CBFA2T2: variants seen among roughly 807,000 people sequenced by gnomAD.
CBFA2T2 encodes protein CBFA2T2.
A neutral mutation model predicts 62.2 loss-of-function variants in CBFA2T2; 11 were observed. The observed-to-expected ratio is 0.18, with a 90% CI of 0.11 to 0.29. The LOEUF is 0.29. Among genes scored for constraint, CBFA2T2 ranks in the 10% least tolerant of loss-of-function variants. The probability of loss-of-function intolerance (pLI) is 1.00; values close to 1 mark genes in which losing one functional copy is unlikely to be tolerated. For synonymous variants in CBFA2T2, 295 were observed against 287.5 expected (o/e 1.03, Z -0.27); for missense variants, 592 against 774.1 (o/e 0.76, Z 2.79).
intron 1 of CBFA2T2, among the ~76,000 whole-genome samples, chr20:33,605,076 G>A (rs1327124050): frequency 6.6e-6 from 1 of 152,140 alleles, no homozygotes; most frequent in Non-Finnish European, 1.5e-5. Context: ...TGTAACTTGG[G>A]GGCATTGCTT....
chr20:33,574,176 G>A, intron 1 of CBFA2T2: 2 of 1,609,346 alleles, frequency 1.2e-6, no homozygotes, highest in African/African-American at 1.3e-5. Flanking sequence ...TTCATCTTTT[G>A]GAACATAAGC....
intron 1 of CBFA2T2, among the ~76,000 whole-genome samples, chr20:33,570,623 C>G (rs201279760): frequency 6.6e-6 from 1 of 152,108 alleles, no homozygotes; most frequent in East Asian, 1.9e-4. Flanking sequence ...ATATTGTCGT[C>G]TTGAGGTGAG....
intron 1 of CBFA2T2, among the ~76,000 whole-genome samples, chr20:33,497,806 C>T (rs975015640): frequency 6.6e-6 from 1 of 152,090 alleles, no homozygotes; most frequent in Non-Finnish European, 1.5e-5. Flanking sequence ...CCTTGGCCTC[C>T]CAAAGTGCTG....
chr20:33,582,310 G>A (rs992513742), intron 1 of CBFA2T2, among the ~76,000 whole-genome samples: 33 of 150,730 alleles, frequency 2.2e-4, no homozygotes, highest in Non-Finnish European at 5.9e-5. Flanking sequence ...CCAACATGGT[G>A]AGACCCCATC....
At chr20:33,590,070 C>T (rs1394034468) in intron 1 of CBFA2T2, among the ~76,000 whole-genome samples, 2 of 151,290 alleles carry the variant, frequency 1.3e-5, no homozygotes, top group Admixed American at 6.6e-5. Context: ...TAGTGAGACC[C>T]TGTCTCTAAA....
chr20:33,565,761 T>C (rs1212541231), intron 1 of CBFA2T2, among the ~76,000 whole-genome samples: 1 of 152,202 alleles, frequency 6.6e-6, no homozygotes. Flanking sequence ...GAAATTCTCC[T>C]AAATTGGCTT....
intron 1 of CBFA2T2, among the ~76,000 whole-genome samples, chr20:33,506,548 G>C (rs1001781235): frequency 1.3e-5 from 2 of 152,138 alleles, no homozygotes; most frequent in Non-Finnish European, 2.9e-5. Context: ...ATTCGGTCCC[G>C]GTCCTCAGTG....
intron 1 of CBFA2T2, among the ~76,000 whole-genome samples, chr20:33,521,557 C>T (rs775368036): frequency 6.6e-6 from 1 of 152,176 alleles, no homozygotes; most frequent in Non-Finnish European, 1.5e-5. Flanking sequence ...CTTGCCTGAT[C>T]TACAGCTAAC....
intron 8 of CBFA2T2, among the ~76,000 whole-genome samples, chr20:33,631,352 A>C (rs190485238): frequency 1.3e-5 from 2 of 152,326 alleles, no homozygotes; most frequent in Admixed American, 6.5e-5. Context: ...AGACAAAGCT[A>C]ATCTTCTGGT....
chr20:33,587,413 C>A (rs2014420013), intron 1 of CBFA2T2, among the ~76,000 whole-genome samples: 1 of 151,846 alleles, frequency 6.6e-6, no homozygotes, highest in African/African-American at 2.4e-5. Flanking sequence ...ACTACAGGCG[C>A]CTGCCACAAC....
In CBFA2T2 at chr20:33,535,607, TA is replaced by T. The variant is rs202192999; in HGVS notation, c.34+45307del. Among the ~76,000 whole-genome samples the T allele has an allele frequency of 7.9e-3, 1,159 of 146,450 alleles. 11 individuals carry two copies. Among genetic ancestry groups the T allele is most frequent in the African/African-American group, 0.028 (1,082 of 38,232 alleles). On this transcript the variant is annotated intron_variant, in intron 1 of 10. Transcript: ENST00000342704. Reference sequence around the variant, plus strand: ...CTGGGCATGGATTGAGTTTTATTTTTATTTTTTTATTTTTTCTTTTTTTTTT... The same window carrying T: ...CTGGGCATGGATTGAGTTTTATTTTTTTTTTTTATTTTTTCTTTTTTTTTT...
chr20:33,572,656 T>C (rs1240649003), intron 1 of CBFA2T2, among the ~76,000 whole-genome samples: 2 of 152,098 alleles, frequency 1.3e-5, no homozygotes, highest in Admixed American at 6.5e-5. Flanking sequence ...GTTCAAAGAA[T>C]AGAAAAATGG....
rs748522562 is a variant in CBFA2T2, at chr20:33,607,003, G to A, written c.82G>A (p.Val28Met). ...VPAMPGSPVE[V>M]KIQSRSSPPT... is the part of the protein sequence containing the mutation. Reference sequence around the variant, plus strand: ...AGCGATGCCTGGATCGCCTGTGGAAGTGAAGATACAGTCCAGATCCTCACC... The same window carrying A: ...AGCGATGCCTGGATCGCCTGTGGAAATGAAGATACAGTCCAGATCCTCACC... The change falls in exon 2 of 11, where the codon GTG becomes ATG. Residue 28 changes from valine to methionine, a missense_variant. Physicochemically the swap from Val to Met is conservative, Grantham distance 21. This residue lies in a region of CBFA2T2 where 449 missense variants were observed against 551.2 expected (regional missense o/e 0.81). Coordinates refer to ENST00000342704, the MANE Select transcript of CBFA2T2 (RefSeq NM_001032999.3). 6.2e-7 allele frequency: 1 copy of A among 1,613,974 alleles called. No homozygotes were observed. Among genetic ancestry groups the A allele is most frequent in the East Asian group, 2.2e-5 (1 of 44,858 alleles).
chr20:33,577,166 C>G (rs1450377714), intron 1 of CBFA2T2, among the ~76,000 whole-genome samples: 10 of 152,218 alleles, frequency 6.6e-5, no homozygotes, highest in Non-Finnish European at 1.3e-4. Context: ...GTTAAATAAT[C>G]ATTTCAGTAA....
At chr20:33,544,941 AGAACAGAAT>A (rs1191628039) in intron 1 of CBFA2T2, among the ~76,000 whole-genome samples, 11 of 131,658 alleles carry the variant, frequency 8.4e-5, no homozygotes, top group African/African-American at 3.6e-4. Flanking sequence ...TGAATAGAAT[AGAACAGAAT>A]AGAATAGAAT....
rs2017180238 is a variant in CBFA2T2 at position 33,649,643 on chromosome 20, C to G, written c.*4997C>G. On this transcript the variant is annotated 3_prime_UTR_variant, in exon 11 of 11. Transcript: ENST00000342704. ...CTGTTGGGGACAGCCCCATCCCTACCTTGGAGTCGGCAGAGAAGCAGCAAT... is the reference window on the plus strand; with the variant it reads ...CTGTTGGGGACAGCCCCATCCCTACGTTGGAGTCGGCAGAGAAGCAGCAAT... The G allele has an allele frequency of 6.6e-6, 1 of 152,250 alleles. No homozygotes were observed. The highest frequency in any genetic ancestry group is 1.5e-5 in the Non-Finnish European group (1 of 68,040). The allele number at this position is 152,250 out of a possible 1,614,324, so 9.4% of individuals were successfully genotyped here. A position where few individuals can be genotyped will look rare whatever the true frequency, so the allele number is the denominator to read the frequency against.
At position 33,643,779 on chromosome 20, in the gene CBFA2T2, AT is replaced by A. The variant is rs1568876609; in HGVS notation, c.1489-567del. Among the ~76,000 whole-genome samples the A allele has an allele frequency of 8.0e-4, 13 of 16,310 alleles. 1 individual carries two copies. Among genetic ancestry groups the A allele is most frequent in the Admixed American group, 6.1e-3 (7 of 1,150 alleles). 10.7% of individuals were successfully genotyped at this position (16,310 alleles called of 152,430 possible). On this transcript the variant is annotated intron_variant, in intron 10 of 10. Transcript: ENST00000342704. ...TATATATATATATATATATATATAT[AT>A]ATATATATATATATATATATATATA...
At chr20:33,550,608 G>GTTATTTATTTATTTAT (rs55635841) in intron 1 of CBFA2T2, among the ~76,000 whole-genome samples, 1,717 of 150,188 alleles carry the variant, frequency 0.011, 16 homozygotes, top group African/African-American at 0.026. Context: ...TACTAATGTG[G>GTTATTTATTTATTTAT]TTATTTATTT....
At chr20:33,565,384 C>T (rs1055850669) in intron 1 of CBFA2T2, among the ~76,000 whole-genome samples, 18 of 152,116 alleles carry the variant, frequency 1.2e-4, no homozygotes, top group African/African-American at 4.3e-4. Context: ...AGTGAGAAAA[C>T]ACTTTCCATT....
Sources: gnomAD v4.1 joint callset for allele counts (sites outside exome capture counted in the v4.1 genomes callset) on GRCh38, gnomAD v4.1.1 for gene constraint, gnomAD v4.1.1 regional missense constraint, MANE v1.5 for transcripts, NCBI Gene and HGNC (gene_info 2026-07-23, HGNC 2026-07-21) for gene names.